Variants in TMEM269 observed in about 807,000 individuals in gnomAD.
TMEM269 encodes transmembrane protein 269.
In TMEM269, 12 loss-of-function variants were observed where a neutral mutation model predicts 15.8. The ratio of observed to expected loss-of-function variants is 0.76; its 90% CI spans 0.49 to 1.23. The LOEUF (loss-of-function observed/expected upper bound fraction) is 1.23, where lower values mean the gene tolerates loss of function less well. TMEM269 is among the 50% of genes most tolerant of loss of function. The probability of loss-of-function intolerance (pLI) is 0.00; values close to 1 mark genes in which losing one functional copy is unlikely to be tolerated. For missense variants in TMEM269, 211 were observed against 245.4 expected (o/e 0.86, Z 0.94); for synonymous variants, 93 against 99.3 (o/e 0.94, Z 0.38).
chr1:42,798,132 G>A lies in TMEM269; in HGVS notation c.519G>A (p.Leu173=), dbSNP rs1653820241. ...VIMLFFSPLS[L]SAFYCLMWSL... ...TGCTGTTTTTCTCCCCATTGTCTCT[G>A]TCTGCTTTTTACTGCCTGATGTGGT... The change falls in exon 6 of 6, where the codon CTG becomes CTA. Residue 173 remains leucine (L), a synonymous_variant. Coordinates refer to ENST00000637012, the MANE Select transcript of TMEM269 (RefSeq NM_001354602.2). The A allele has an allele frequency of 6.4e-7, 1 of 1,551,008 alleles. No individual in the cohort carries two copies. The highest frequency in any genetic ancestry group is 8.7e-7 in the Non-Finnish European group (1 of 1,147,114).
intron 1 of TMEM269, chr1:42,789,420 G>GCCCA (rs897963046): frequency 6.5e-7 from 1 of 1,535,112 alleles, no homozygotes; most frequent in Admixed American, 2.0e-5. Context: ...AGTGACAAGG[G>GCCCA]CCCACCTCTC....
chr1:42,787,576 C>T (rs957421152), intron 1 of TMEM269, among the ~76,000 whole-genome samples: 5 of 125,372 alleles, frequency 4.0e-5, no homozygotes, highest in African/African-American at 9.2e-5. Context: ...GTCCGCAGTC[C>T]GGCCTGGGCG....
intron 1 of TMEM269, among the ~76,000 whole-genome samples, chr1:42,787,266 A>T (rs913432511): frequency 5.3e-5 from 8 of 152,214 alleles, no homozygotes; most frequent in African/African-American, 1.7e-4. Flanking sequence ...GGTTCTTCCC[A>T]TCTCTGAGTC....
chr1:42,796,539 T>TG (rs1491092626), intron 5 of TMEM269: 1 of 17,006 alleles, frequency 5.9e-5, no homozygotes, highest in African/African-American at 3.0e-4. Context: ...TATGAAATAC[T>TG]TTTTTTTTTT....
Position 42,789,899 on chromosome 1 carries a change from G to A in TMEM269, c.6G>A (p.Val2=). M[V]LGLFSIIFSF... is the part of the protein sequence containing the mutation. ...GTGCCTTATCTCTGGCCAACATGGT[G>A]CTGGGGCTCTTCTCCATCATCTTCA... is the stretch of plus-strand genomic sequence containing the variant. Residue 2 remains valine, a synonymous_variant, in exon 2 of 6, where the codon GTG becomes GTA. Coordinates refer to ENST00000637012, the MANE Select transcript of TMEM269 (RefSeq NM_001354602.2). 6.4e-7 allele frequency: 1 copy of A among 1,550,724 alleles called. No homozygotes were observed. The highest frequency in any genetic ancestry group is 8.7e-7 in the Non-Finnish European group (1 of 1,147,032).
rs1214053184 is a variant in TMEM269 at position 42,799,257 on chromosome 1, A to C, written c.*1032A>C. ...AAACAGTACTGTATGGCAAAGGTGT[A>C]CCTCACCGAGAACTCAGGTCCACTG... is the stretch of plus-strand genomic sequence containing the variant. On this transcript the variant is annotated 3_prime_UTR_variant, in exon 6 of 6. Coordinates refer to ENST00000637012, the MANE Select transcript of TMEM269 (RefSeq NM_001354602.2). 6.6e-6 allele frequency: 1 copy of C among 151,876 alleles called. No homozygotes were observed. The highest frequency in any genetic ancestry group is 1.9e-4 in the East Asian group (1 of 5,176). 9.4% of individuals were successfully genotyped at this position (151,876 alleles called of 1,614,324 possible). A position where few individuals can be genotyped will look rare whatever the true frequency, so the allele number is the denominator to read the frequency against.
rs922657735 is a variant in TMEM269 at position 42,798,747 on chromosome 1, T to G, written c.*522T>G. ...AACATTCTGGGTTTTTTTTTTTTTT[T>G]TTTTTTTTTTTTTGAGAAGGAGTCT... is the stretch of plus-strand genomic sequence containing the variant. On this transcript the variant is annotated 3_prime_UTR_variant, in exon 6 of 6. Transcript: ENST00000637012. 4.9e-3 allele frequency: 574 copies of G among 116,852 alleles called. No individual in the cohort carries two copies. The highest frequency in any genetic ancestry group is 0.022 in the Middle Eastern group (5 of 224). 7.2% of individuals were successfully genotyped at this position (116,852 alleles called of 1,614,324 possible).
At chr1:42,796,840 A>G (rs963877880) in intron 5 of TMEM269, 4 of 152,156 alleles carry the variant, frequency 2.6e-5, no homozygotes, top group African/African-American at 4.8e-5. Context: ...GTGGTCTTCT[A>G]TCAGATCATA....
chr1:42,785,902 C>G (rs1653532554), intron 1 of TMEM269, among the ~76,000 whole-genome samples: 1 of 152,216 alleles, frequency 6.6e-6, no homozygotes. Flanking sequence ...CAACATTACA[C>G]TTGTCCCTAC....
intron 2 of TMEM269, among the ~76,000 whole-genome samples, chr1:42,791,079 A>G (rs1056815017): frequency 2.6e-5 from 4 of 152,214 alleles, no homozygotes; most frequent in African/African-American, 7.2e-5. Context: ...AATCATTTAA[A>G]GCATCAAAAT....
chr1:42,786,602 C>G (rs563936724), intron 1 of TMEM269, among the ~76,000 whole-genome samples: 1 of 152,226 alleles, frequency 6.6e-6, no homozygotes, highest in Non-Finnish European at 1.5e-5. Context: ...CCTGCAGTCT[C>G]GTGCTGTGCC....
intron 5 of TMEM269, among the ~76,000 whole-genome samples, chr1:42,795,346 G>C (rs1223066136): frequency 6.6e-6 from 1 of 152,224 alleles, no homozygotes. Context: ...GACCTGGCAG[G>C]ATTTGGGATT....
At chr1:42,790,056 T>A (rs1191772286) in intron 2 of TMEM269, 122 bp downstream of exon 2, 2 of 723,508 alleles carry the variant, frequency 2.8e-6, no homozygotes, top group Non-Finnish European at 4.7e-6. Flanking sequence ...CCAGGGTAAG[T>A]GCAGTGGCTT....
chr1:42,788,957 G>A lies in TMEM269; in HGVS notation c.-98-839G>A, dbSNP rs1238844692. On this transcript the variant is annotated intron_variant, in intron 1 of 5. Coordinates refer to ENST00000637012, the MANE Select transcript of TMEM269 (RefSeq NM_001354602.2). The surrounding 1 kb of genome is among the most constrained non-coding windows in gnomAD (Gnocchi z 4.0). ...TTTTTTTTTAGACAGAGTCTCACTC[G>A]GTCACCCAGGCTGGAGTGCAGTGGT... 1.3e-5 allele frequency among the ~76,000 whole-genome samples: 2 copies of A among 148,310 alleles called. No homozygotes were observed. The highest frequency in any genetic ancestry group is 6.8e-5 in the Admixed American group (1 of 14,654).
chr1:42,788,963 C>A lies in TMEM269; in HGVS notation c.-98-833C>A, dbSNP rs529467563. Among the ~76,000 whole-genome samples, 1 of 151,408 alleles carries A rather than the reference C, an allele frequency of 6.6e-6. No homozygotes were observed. The highest frequency in any genetic ancestry group is 2.4e-5 in the African/African-American group (1 of 41,240). ...TTTAGACAGAGTCTCACTCGGTCACCCAGGCTGGAGTGCAGTGGTGTGATC... is the reference window on the plus strand; with the variant it reads ...TTTAGACAGAGTCTCACTCGGTCACACAGGCTGGAGTGCAGTGGTGTGATC... On this transcript the variant is annotated intron_variant, in intron 1 of 5. Transcript: ENST00000637012. The surrounding 1 kb of genome is among the most constrained non-coding windows in gnomAD (Gnocchi z 4.0).
rs570096559 is a variant in TMEM269 at position 42,793,023 on chromosome 1, C to G, written c.139+121C>G. ...CAGGCATCCACCCCTGTTCACACCC[C>G]GCTGAGAGCAGCAGCAGCAGCAGCC... On this transcript the variant is annotated intron_variant, in intron 3 of 5. Coordinates refer to ENST00000637012, the MANE Select transcript of TMEM269 (RefSeq NM_001354602.2). The G allele has an allele frequency of 7.7e-6, 6 of 777,412 alleles. No individual in the cohort carries two copies. The East Asian group carries it at 1.6e-4, about 21-fold the overall frequency. 48.2% of individuals were successfully genotyped at this position (777,412 alleles called of 1,614,324 possible). A position where few individuals can be genotyped will look rare whatever the true frequency, so the allele number is the denominator to read the frequency against.
rs895919287 is a variant in TMEM269 at position 42,798,332 on chromosome 1, C to T, written c.*107C>T. On this transcript the variant is annotated 3_prime_UTR_variant, in exon 6 of 6. Coordinates refer to ENST00000637012, the MANE Select transcript of TMEM269 (RefSeq NM_001354602.2). ...TTGTATGTACCTGTGTTGCCATATA[C>T]TAGATATATGGTATGTCTGTTGCCA... 10 of 1,344,798 alleles carry T rather than the reference C, an allele frequency of 7.4e-6. No homozygotes were observed. The highest frequency in any genetic ancestry group is 1.3e-5 in the South Asian group (1 of 74,588). 83.3% of individuals were successfully genotyped at this position (1,344,798 alleles called of 1,614,324 possible).
At chr1:42,789,384 C>T in intron 1 of TMEM269, 3 of 1,500,044 alleles carry the variant, frequency 2.0e-6, no homozygotes, top group Non-Finnish European at 2.7e-6. Flanking sequence ...CCTGGCACTA[C>T]TTCTCTCTCA....
At chr1:42,786,090 T>C (rs1027611833) in intron 1 of TMEM269, among the ~76,000 whole-genome samples, 4 of 152,212 alleles carry the variant, frequency 2.6e-5, no homozygotes, top group African/African-American at 9.6e-5. Context: ...TTGCTGGGTA[T>C]GCGGAAGGGG....
Sources: gnomAD v4.1 joint callset for allele counts (sites outside exome capture counted in the v4.1 genomes callset) on GRCh38, gnomAD v4.1.1 for gene constraint, Gnocchi (gnomAD v3.1) non-coding constraint, MANE v1.5 for transcripts, NCBI Gene and HGNC (gene_info 2026-07-23, HGNC 2026-07-21) for gene names.